The following RAB11B variants were observed in gnomAD, a reference collection of about 807,000 sequenced individuals.
The protein encoded by RAB11B is ras-related protein Rab-11B.
Under a neutral mutation model 23.7 loss-of-function variants are expected in RAB11B, and 7 were observed. The ratio of observed to expected loss-of-function variants is 0.29; its 90% CI spans 0.17 to 0.55. The LOEUF (loss-of-function observed/expected upper bound fraction) is 0.55, where lower values mean the gene tolerates loss of function less well. RAB11B is among the 20% of genes least tolerant of loss of function. The probability of loss-of-function intolerance (pLI) is 0.93; values close to 1 mark genes in which losing one functional copy is unlikely to be tolerated. For missense variants in RAB11B, 189 were observed against 320.0 expected (o/e 0.59, Z 3.12); for synonymous variants, 138 against 132.0 (o/e 1.05, Z -0.31).
At chr19:8,394,014 C>G (rs1387700780) in intron 1 of RAB11B, among the ~76,000 whole-genome samples, 2 of 152,228 alleles carry the variant, frequency 1.3e-5, no homozygotes, top group African/African-American at 4.8e-5. Context: ...GCTGTGTCCT[C>G]AAGGGCTCTT....
rs1971455091 is a variant in RAB11B, at chr19:8,403,529, A to G, written c.628A>G (p.Asn210Asp). Residue 210 changes from asparagine to aspartate, a missense_variant, in exon 5 of 5, where the codon AAC becomes GAC. Asn to Asp is a conservative substitution (Grantham distance 23). Coordinates refer to ENST00000328024, the MANE Select transcript of RAB11B (RefSeq NM_004218.4). Reference protein sequence around the residue: ...VPPTTDGQKPNKLQCCQNL With the variant: ...VPPTTDGQKPDKLQCCQNL ...GCCCACCACGGACGGACAGAAGCCC[A>G]ACAAGCTGCAGTGCTGCCAGAACCT... The G allele has an allele frequency of 1.2e-6, 2 of 1,613,734 alleles. No individual in the cohort carries two copies. The highest frequency in any genetic ancestry group is 1.7e-6 in the Non-Finnish European group (2 of 1,179,786).
chr19:8,394,819 A>G (rs1048387911), intron 1 of RAB11B, among the ~76,000 whole-genome samples: 2 of 152,198 alleles, frequency 1.3e-5, no homozygotes, highest in Non-Finnish European at 2.9e-5. Context: ...AATCCCGGCT[A>G]CTCGGGAGGC....
In RAB11B at chr19:8,403,507, C is replaced by T; in HGVS notation, c.606C>T (p.Pro202=). Residue 202 remains proline, a synonymous_variant, in exon 5 of 5, where the codon CCC becomes CCT. Coordinates refer to ENST00000328024, the MANE Select transcript of RAB11B (RefSeq NM_004218.4). ...GNNVVDISVP[P]TTDGQKPNKL... ...ACGTGGTGGACATCAGCGTGCCGCCCACCACGGACGGACAGAAGCCCAACA... is the reference window on the plus strand; with the variant it reads ...ACGTGGTGGACATCAGCGTGCCGCCTACCACGGACGGACAGAAGCCCAACA... The T allele has an allele frequency of 3.1e-6, 5 of 1,613,980 alleles. No homozygotes were observed. Among genetic ancestry groups the T allele is most frequent in the Non-Finnish European group, 4.2e-6 (5 of 1,179,896 alleles).
At chr19:8,400,284 G>A (rs1480283398) in intron 2 of RAB11B, 2 of 606,632 alleles carry the variant, frequency 3.3e-6, no homozygotes, top group East Asian at 5.7e-5. Context: ...CAAGTGCAGT[G>A]AGGACCTAGC....
chr19:8,399,576 C>T (rs1971422249), intron 1 of RAB11B, among the ~76,000 whole-genome samples: 2 of 152,338 alleles, frequency 1.3e-5, no homozygotes, highest in African/African-American at 4.8e-5. Flanking sequence ...GCTCTGCCTG[C>T]CTGGCTGCCT....
intron 2 of RAB11B, chr19:8,400,401 C>A: frequency 3.0e-6 from 1 of 333,076 alleles, no homozygotes; most frequent in Non-Finnish European, 5.7e-6. Flanking sequence ...CACACGCCTC[C>A]TGTCCTCCCA....
At position 8,403,431 on chromosome 19, in the gene RAB11B, C is replaced by G; in HGVS notation, c.530C>G (p.Ser177Ter). 1 of 1,613,806 alleles carries G rather than the reference C, an allele frequency of 6.2e-7. No homozygotes were observed. The highest frequency in any genetic ancestry group is 8.5e-7 in the Non-Finnish European group (1 of 1,179,798). ...TTTGCAGAGATCTACCGCATCGTGT[C>G]ACAGAAACAGATCGCAGACCGCGCT... The part of the protein sequence containing the change: ...NILTEIYRIV[S>*]QKQIADRAAH... The change falls in exon 5 of 5, where the codon TCA becomes TGA. Residue 177 changes from serine to a stop codon, truncating the protein, a stop_gained. Coordinates refer to ENST00000328024, the MANE Select transcript of RAB11B (RefSeq NM_004218.4). LOFTEE classifies it high-confidence loss of function.
At chr19:8,397,310 A>G (rs1971404651) in intron 1 of RAB11B, among the ~76,000 whole-genome samples, 1 of 152,108 alleles carries the variant, frequency 6.6e-6, no homozygotes, top group Admixed American at 6.5e-5. Flanking sequence ...ATTTACAGCC[A>G]TGAGCCTGGA....
At position 8,403,416 on chromosome 19, in the gene RAB11B, T is replaced by G; in HGVS notation, c.515T>G (p.Ile172Ser). 1.2e-6 allele frequency: 2 copies of G among 1,612,906 alleles called. No individual in the cohort carries two copies. The highest frequency in any genetic ancestry group is 1.7e-6 in the Non-Finnish European group (2 of 1,179,310). ...EEAFKNILTE[I>S]YRIVSQKQIA... ...TCCCCCTGTACCCCCTTTGCAGAGA[T>G]CTACCGCATCGTGTCACAGAAACAG... Residue 172 changes from isoleucine (I) to serine (S), a missense_variant, in exon 5 of 5, where the codon ATC becomes AGC. Around this residue, in one of 5 missense-constraint regions of RAB11B, gnomAD observed 122 missense variants for 170.8 expected, o/e 0.71. Coordinates refer to ENST00000328024, the MANE Select transcript of RAB11B (RefSeq NM_004218.4).
chr19:8,391,979 C>G (rs538497138), intron 1 of RAB11B, among the ~76,000 whole-genome samples: 2 of 151,936 alleles, frequency 1.3e-5, no homozygotes, highest in Admixed American at 1.3e-4. Flanking sequence ...AGCAGGTGCC[C>G]GGCCCAAGGT....
chr19:8,403,965 C>G lies in RAB11B; in HGVS notation c.*407C>G, dbSNP rs556911079. 52 of 167,570 alleles carry G rather than the reference C, an allele frequency of 3.1e-4. No homozygotes were observed. Among genetic ancestry groups the G allele is most frequent in the Non-Finnish European group, 6.3e-4 (49 of 78,150 alleles). The allele number at this position is 167,570 out of a possible 1,614,324, so 10.4% of individuals were successfully genotyped here. A position where few individuals can be genotyped will look rare whatever the true frequency, so the allele number is the denominator to read the frequency against. On this transcript the variant is annotated 3_prime_UTR_variant, in exon 5 of 5. Transcript: ENST00000328024. ...CGTCGTCCCCACCCAGAACCGTGCT[C>G]TGGGCCAAAGCCCGAAGAACCAGGC...
Position 8,403,588 on chromosome 19 carries a change from C to T in RAB11B, c.*30C>T, listed in dbSNP as rs755939071. On this transcript the variant is annotated 3_prime_UTR_variant, in exon 5 of 5. Coordinates refer to ENST00000328024, the MANE Select transcript of RAB11B (RefSeq NM_004218.4). ...TGCGCCTCCACCCAGCGTGCGTGCA[C>T]GTCCTCCGCCCGCCCCCGCCACGGT... The T allele has an allele frequency of 1.1e-5, 18 of 1,589,044 alleles. No individual in the cohort carries two copies. The highest frequency in any genetic ancestry group is 8.5e-5 in the Admixed American group (5 of 59,088).
rs1269650984 is a variant in RAB11B at position 8,396,988 on chromosome 19, G to A, written c.41-2875G>A. ...GGAGACATGGTGGGGTGCACCCCTC[G>A]TCCTCCCTTCTCTTGGATCTGTTTC... On this transcript the variant is annotated intron_variant, in intron 1 of 4. Coordinates refer to ENST00000328024, the MANE Select transcript of RAB11B (RefSeq NM_004218.4). This position sits in a 1 kb window ranked among gnomAD's most constrained non-coding sequence, Gnocchi z 5.0. 6.6e-6 allele frequency among the ~76,000 whole-genome samples: 1 copy of A among 152,196 alleles called. No homozygotes were observed. Among genetic ancestry groups the A allele is most frequent in the Non-Finnish European group, 1.5e-5 (1 of 68,030 alleles).
chr19:8,396,971 G>C lies in RAB11B; in HGVS notation c.41-2892G>C, dbSNP rs1971402329. Among the ~76,000 whole-genome samples, 1 of 152,218 alleles carries C rather than the reference G, an allele frequency of 6.6e-6. No individual in the cohort carries two copies. The highest frequency in any genetic ancestry group is 6.5e-5 in the Admixed American group (1 of 15,290). On this transcript the variant is annotated intron_variant, in intron 1 of 4. Transcript: ENST00000328024. This position sits in a 1 kb window ranked among gnomAD's most constrained non-coding sequence, Gnocchi z 5.0. ...GGAATGGAATCGCCCAGGGAGACAT[G>C]GTGGGGTGCACCCCTCGTCCTCCCT...
intron 1 of RAB11B, among the ~76,000 whole-genome samples, chr19:8,398,183 A>G (rs1394302244): frequency 2.0e-5 from 3 of 152,158 alleles, no homozygotes; most frequent in Admixed American, 1.3e-4. Flanking sequence ...CCTGACCAGC[A>G]GGCACCTGCT....
rs988741316 is a variant in RAB11B, at chr19:8,396,624, A to G, written c.41-3239A>G. Among the ~76,000 whole-genome samples, 32 of 149,824 alleles carry G rather than the reference A, an allele frequency of 2.1e-4. No individual in the cohort carries two copies. Among genetic ancestry groups the G allele is most frequent in the Non-Finnish European group, 1.0e-4 (7 of 67,438 alleles). ...AAGAGCGTTTCTGGCAGCAGGAGCA[A>G]CCCGTGCAAAGGCCCTGAGGCAGGA... On this transcript the variant is annotated intron_variant, in intron 1 of 4. Coordinates refer to ENST00000328024, the MANE Select transcript of RAB11B (RefSeq NM_004218.4). The surrounding 1 kb of genome is among the most constrained non-coding windows in gnomAD (Gnocchi z 5.0).
rs200833450 is a variant in RAB11B, at chr19:8,399,909, G to T, written c.87G>T (p.Ser29=). The change falls in exon 2 of 5, where the codon TCG becomes TCT. Residue 29 remains serine (S), a synonymous_variant. Coordinates refer to ENST00000328024, the MANE Select transcript of RAB11B (RefSeq NM_004218.4). ...GCGTGGGCAAGAGCAACCTGCTGTC[G>T]CGCTTCACCCGCAACGAGTTCAACC... ...DSGVGKSNLL[S]RFTRNEFNLE... The T allele has an allele frequency of 6.2e-7, 1 of 1,614,232 alleles. No individual in the cohort carries two copies.
intron 2 of RAB11B, 45 bp from the exon 3 acceptor site, chr19:8,402,041 C>G: frequency 6.6e-7 from 1 of 1,518,886 alleles, no homozygotes; most frequent in South Asian, 1.3e-5. Context: ...CTGCCGCTGC[C>G]CATGGTTGTC....
At chr19:8,401,022 G>C (rs1971432917) in intron 2 of RAB11B, among the ~76,000 whole-genome samples, 1 of 152,214 alleles carries the variant, frequency 6.6e-6, no homozygotes, top group Admixed American at 6.5e-5. Flanking sequence ...CTCCTGAGTA[G>C]CTGGGGCTAC....
Sources: gnomAD v4.1 joint callset for allele counts (sites outside exome capture counted in the v4.1 genomes callset) on GRCh38, gnomAD v4.1.1 for gene constraint, gnomAD v4.1.1 regional missense constraint, Gnocchi (gnomAD v3.1) non-coding constraint, MANE v1.5 for transcripts, NCBI Gene and HGNC (gene_info 2026-07-23, HGNC 2026-07-21) for gene names.